MDGA2: variants seen among roughly 807,000 people sequenced by gnomAD.
The protein encoded by MDGA2 is MAM domain-containing glycosylphosphatidylinositol anchor protein 2.
MDGA2 carries 40 observed loss-of-function variants against 117.8 expected under a neutral mutation model. That is an observed-to-expected ratio of 0.34 (90% CI 0.26 to 0.44). MDGA2 has a LOEUF of 0.44. MDGA2 is among the 20% of genes least tolerant of loss of function. The probability of loss-of-function intolerance (pLI) is 1.00; values close to 1 mark genes in which losing one functional copy is unlikely to be tolerated. For missense variants in MDGA2, 1,123 were observed against 1,250.6 expected, an observed-to-expected ratio of 0.90 and a Z score of 1.54; for synonymous variants, 452 against 439.0, an observed-to-expected ratio of 1.03 and a Z score of -0.37.
intron 1 of MDGA2, among the ~76,000 whole-genome samples, chr14:47,387,116 T>A (rs1891777500): frequency 6.6e-6 from 1 of 152,186 alleles, no homozygotes; most frequent in Non-Finnish European, 1.5e-5. Flanking sequence ...TTTCTGATAC[T>A]TTTTTTAGAA....
intron 1 of MDGA2, among the ~76,000 whole-genome samples, chr14:47,454,968 A>C (rs1303000965): frequency 2.0e-5 from 3 of 152,256 alleles, no homozygotes; most frequent in Non-Finnish European, 2.9e-5. Flanking sequence ...GGAGAAGTGG[A>C]TATAACAGTG....
intron 1 of MDGA2, among the ~76,000 whole-genome samples, chr14:47,465,839 A>G (rs1893592241): frequency 6.6e-6 from 1 of 152,202 alleles, no homozygotes. Context: ...GTGTATATCC[A>G]GAGGAATAAA....
intron 3 of MDGA2, among the ~76,000 whole-genome samples, chr14:47,206,293 T>A (rs1465308743): frequency 3.3e-5 from 5 of 151,964 alleles, no homozygotes; most frequent in Non-Finnish European, 1.5e-5. Context: ...AGACTTTAAT[T>A]TAAAACATAT....
intron 1 of MDGA2, among the ~76,000 whole-genome samples, chr14:47,408,078 G>GTTTA (rs1566772553): frequency 1.4e-3 from 194 of 136,336 alleles, no homozygotes; most frequent in African/African-American, 2.0e-3. Context: ...TTTTTTTTTG[G>GTTTA]TGGCATCTTG....
At chr14:47,302,319 G>T (rs888137804) in intron 1 of MDGA2, among the ~76,000 whole-genome samples, 3 of 152,184 alleles carry the variant, frequency 2.0e-5, no homozygotes, top group African/African-American at 7.2e-5. Context: ...CATGAGAGAA[G>T]TACTTAGCTA....
At chr14:47,306,246 G>C (rs1410446731) in intron 1 of MDGA2, 1 of 152,130 alleles carries the variant, frequency 6.6e-6, no homozygotes, top group African/African-American at 2.4e-5. Context: ...AGATGACACT[G>C]AAGTTTATAC....
chr14:47,589,896 T>A (rs7142176), intron 1 of MDGA2, among the ~76,000 whole-genome samples: 5,421 of 152,092 alleles, frequency 0.036, 328 homozygotes, highest in African/African-American at 0.12. Context: ...TGAGATTTAC[T>A]CTTAAGTACT....
intron 1 of MDGA2, among the ~76,000 whole-genome samples, chr14:47,566,371 G>T (rs1895919564): frequency 6.6e-6 from 1 of 152,302 alleles, no homozygotes; most frequent in Admixed American, 6.5e-5. Flanking sequence ...AGCATGCTCA[G>T]GTCAGACTGG....
intron 11 of MDGA2, 87 bp downstream of exon 11, chr14:46,881,957 G>T: frequency 3.7e-6 from 3 of 804,474 alleles, no homozygotes; most frequent in Non-Finnish European, 5.3e-6. Flanking sequence ...GTTTTACTTT[G>T]TGTCTAAATT....
At chr14:47,554,863 T>C (rs2138785425) in intron 1 of MDGA2, among the ~76,000 whole-genome samples, 1 of 152,300 alleles carries the variant, frequency 6.6e-6, no homozygotes, top group South Asian at 2.1e-4. Flanking sequence ...TATTCACCAC[T>C]AGCTGTTATG....
chr14:47,659,174 A>C (rs1897799651), intron 1 of MDGA2, among the ~76,000 whole-genome samples: 1 of 152,206 alleles, frequency 6.6e-6, no homozygotes, highest in Admixed American at 6.5e-5. Flanking sequence ...TAAGATTATG[A>C]CCAAACTAAC....
At chr14:47,482,575 T>G (rs1232113430) in intron 1 of MDGA2, among the ~76,000 whole-genome samples, 1 of 152,074 alleles carries the variant, frequency 6.6e-6, no homozygotes, top group East Asian at 1.9e-4. Context: ...CTAATGTTTA[T>G]TTTACAAAAT....
intron 8 of MDGA2, among the ~76,000 whole-genome samples, chr14:46,983,651 A>T (rs1284680354): frequency 1.3e-5 from 2 of 152,140 alleles, no homozygotes; most frequent in Non-Finnish European, 2.9e-5. Flanking sequence ...TCCTGGTTGC[A>T]GACCTGGTTT....
intron 1 of MDGA2, among the ~76,000 whole-genome samples, chr14:47,310,233 G>GA (rs890796512): frequency 2.6e-5 from 4 of 151,086 alleles, no homozygotes; most frequent in Admixed American, 1.3e-4. Context: ...TTTTAGAGAT[G>GA]AAAAAAAAAG....
intron 10 of MDGA2, among the ~76,000 whole-genome samples, chr14:46,889,248 T>C (rs1318518896): frequency 6.6e-6 from 1 of 152,104 alleles, no homozygotes; most frequent in Non-Finnish European, 1.5e-5. Context: ...TTGAGTATCA[T>C]CTTCTTTACA....
rs563892718 is a variant in MDGA2, at chr14:47,145,213, C to G, written c.596-939G>C. On this transcript the variant is annotated intron_variant, in intron 3 of 16. Transcript: ENST00000399232. ...GCATGTATCCTAAAGAAAGACTGTA[C>G]AGTAGAGGCTCAGCATTTTCTGAAA... Among the ~76,000 whole-genome samples, 13 of 152,194 alleles carry G rather than the reference C, an allele frequency of 8.5e-5. No individual in the cohort carries two copies. The South Asian group carries it at 2.3e-3, about 27-fold the overall frequency.
At chr14:46,954,340 G>T (rs1885481739) in intron 9 of MDGA2, among the ~76,000 whole-genome samples, 1 of 151,948 alleles carries the variant, frequency 6.6e-6, no homozygotes, top group South Asian at 2.1e-4. Flanking sequence ...AGGGTTCTTT[G>T]AAATAGTGAG....
At chr14:47,544,028 C>T (rs888909961) in intron 1 of MDGA2, among the ~76,000 whole-genome samples, 1 of 152,146 alleles carries the variant, frequency 6.6e-6, no homozygotes, top group Non-Finnish European at 1.5e-5. Context: ...CCTCCTCAGG[C>T]ATATCTTGAA....
intron 1 of MDGA2, among the ~76,000 whole-genome samples, chr14:47,622,106 ATG>A (rs1566545669): frequency 6.6e-6 from 1 of 152,198 alleles, no homozygotes; most frequent in Non-Finnish European, 1.5e-5. Flanking sequence ...GAACAAAACT[ATG>A]TGTTTTATAA....
Sources: gnomAD v4.1 joint callset for allele counts (sites outside exome capture counted in the v4.1 genomes callset) on GRCh38, gnomAD v4.1.1 for gene constraint, MANE v1.5 for transcripts, NCBI Gene and HGNC (gene_info 2026-07-23, HGNC 2026-07-21) for gene names.